Variants in GPR149 observed in about 807,000 individuals in gnomAD.
GPR149 encodes G protein-coupled receptor 149.
Under a neutral mutation model 50.2 loss-of-function variants are expected in GPR149, and 50 were observed. The ratio of observed to expected loss-of-function variants is 1.00; its 90% confidence interval spans 0.79 to 1.26. GPR149 has a LOEUF of 1.26. Among genes scored for constraint, GPR149 ranks in the 50% most tolerant of loss-of-function variants. GPR149 has a pLI of 0.00. For missense variants in GPR149, 983 were observed against 895.4 expected (o/e 1.10, Z -1.25); for synonymous variants, 405 against 358.2 (o/e 1.13, Z -1.48).
intron 3 of GPR149, among the ~76,000 whole-genome samples, chr3:154,367,858 A>G (rs138611177): frequency 4.4e-4 from 67 of 152,318 alleles, no homozygotes; most frequent in African/African-American, 1.5e-3. Flanking sequence ...TCACATGGTG[A>G]GTACGATTAG....
In GPR149 at chr3:154,335,326, A is replaced by G. The variant is rs1291820166; in HGVS notation, c.*2373T>C. The G allele has an allele frequency of 1.3e-5, 2 of 152,184 alleles. No homozygotes were observed. Among genetic ancestry groups the G allele is most frequent in the African/African-American group, 2.4e-5 (1 of 41,456 alleles). 9.4% of individuals were successfully genotyped at this position (152,184 alleles called of 1,614,324 possible). On this transcript the variant is annotated 3_prime_UTR_variant, in exon 4 of 4. Coordinates refer to ENST00000389740, the MANE Select transcript of GPR149 (RefSeq NM_001038705.3). ...ACTTTTATAATCAATCACTCTAAAG[A>G]GTAAGCAGACTTAAGTAAACTTATG...
intron 3 of GPR149, among the ~76,000 whole-genome samples, chr3:154,349,366 A>G (rs549286143): frequency 1.3e-5 from 2 of 152,314 alleles, no homozygotes; most frequent in East Asian, 3.9e-4. Flanking sequence ...AGCAGCAGTG[A>G]CAAAGAGAAG....
chr3:154,394,224 C>G (rs1276179324), intron 3 of GPR149, among the ~76,000 whole-genome samples: 1 of 151,920 alleles, frequency 6.6e-6, no homozygotes, highest in Non-Finnish European at 1.5e-5. Flanking sequence ...GACATATGGA[C>G]AAATGGAACA....
Position 154,337,791 on chromosome 3 carries a change from T to A in GPR149, c.2104A>T (p.Arg702Trp), listed in dbSNP as rs1713688897. 6.2e-7 allele frequency: 1 copy of A among 1,613,958 alleles called. No homozygotes were observed. The change falls in exon 4 of 4, where the codon AGG becomes TGG. Residue 702 changes from arginine to tryptophan, a missense_variant. By Grantham distance (101) the Arg-to-Trp change is moderately radical. Transcript: ENST00000389740. The part of the protein sequence containing the change: ...TVEAHRQNSK[R>W]QHQERDGYQE... ...TAGCCATCCCTCTCTTGATGCTGCCTTTTACTGTTCTGCCTGTGTGCTTCT... is the reference window on the plus strand; with the variant it reads ...TAGCCATCCCTCTCTTGATGCTGCCATTTACTGTTCTGCCTGTGTGCTTCT...
intron 3 of GPR149, among the ~76,000 whole-genome samples, chr3:154,379,613 G>T (rs926094637): frequency 3.3e-5 from 5 of 151,960 alleles, no homozygotes; most frequent in African/African-American, 9.7e-5. Context: ...TAATTTTTGT[G>T]TATAGTATGA....
At chr3:154,424,084 T>A (rs1360922135) in intron 2 of GPR149, among the ~76,000 whole-genome samples, 1 of 151,876 alleles carries the variant, frequency 6.6e-6, no homozygotes, top group Admixed American at 6.6e-5. Flanking sequence ...GTGTTGTCAA[T>A]AATTCTAATT....
At chr3:154,427,914 A>G (rs1712353586) in intron 1 of GPR149, among the ~76,000 whole-genome samples, 1 of 152,052 alleles carries the variant, frequency 6.6e-6, no homozygotes, top group Non-Finnish European at 1.5e-5. Flanking sequence ...GAGGGGTTTC[A>G]GCTTTTGAGT....
chr3:154,385,281 T>A (rs552479522), intron 3 of GPR149, among the ~76,000 whole-genome samples: 1 of 152,306 alleles, frequency 6.6e-6, no homozygotes, highest in South Asian at 2.1e-4. Context: ...CCCTGCGAAT[T>A]CTTTGGAGAT....
At chr3:154,341,430 A>G (rs898064077) in intron 3 of GPR149, among the ~76,000 whole-genome samples, 2 of 149,208 alleles carry the variant, frequency 1.3e-5, no homozygotes, top group Non-Finnish European at 3.0e-5. Flanking sequence ...AAAAAATTAG[A>G]GAGTTTAGTA....
chr3:154,364,332 C>T (rs1288674502), intron 3 of GPR149, among the ~76,000 whole-genome samples: 1 of 152,168 alleles, frequency 6.6e-6, no homozygotes, highest in East Asian at 1.9e-4. Context: ...CTCTTGGATC[C>T]TCAAAATTCA....
chr3:154,381,730 G>A (rs1321298167), intron 3 of GPR149, among the ~76,000 whole-genome samples: 1 of 152,132 alleles, frequency 6.6e-6, no homozygotes, highest in African/African-American at 2.4e-5. Flanking sequence ...AGGTCTATTT[G>A]AAGAAATAAA....
chr3:154,429,244 A>G lies in GPR149; in HGVS notation c.372T>C (p.Thr124=). The change falls in exon 1 of 4, where the codon ACT becomes ACC. Residue 124 remains threonine, a synonymous_variant. Coordinates refer to ENST00000389740, the MANE Select transcript of GPR149 (RefSeq NM_001038705.3). ...TATAAAAGTTGTAAGAGACTAGGAG[A>G]GTCGCCTTCAAGTTGCTAGAGAGGC... is the stretch of plus-strand genomic sequence containing the variant. The part of the protein sequence containing the change: ...CQGLSSNLKA[T]LLVSYNFYTM... 6.2e-7 allele frequency: 1 copy of G among 1,614,164 alleles called. No homozygotes were observed. Among genetic ancestry groups the G allele is most frequent in the South Asian group, 1.1e-5 (1 of 91,082 alleles).
At chr3:154,419,107 G>A (rs1712068305) in intron 3 of GPR149, among the ~76,000 whole-genome samples, 1 of 151,802 alleles carries the variant, frequency 6.6e-6, no homozygotes, top group South Asian at 2.1e-4. Context: ...TTTTCATAGC[G>A]ACCATTTCAG....
rs1712373119 is a variant in GPR149 at position 154,428,567 on chromosome 3, C to T, written c.981+68G>A. 4.0e-6 allele frequency: 6 copies of T among 1,513,182 alleles called. No individual in the cohort carries two copies. The South Asian group carries it at 7.9e-5, about 20-fold the overall frequency. 93.7% of individuals were successfully genotyped at this position (1,513,182 alleles called of 1,614,324 possible). ...TTGGTGACTCCCCAAACCGGCGACG[C>T]CGGTCCCAACACTCATTTACACTGT... On this transcript the variant is annotated intron_variant, in intron 1 of 3. Coordinates refer to ENST00000389740, the MANE Select transcript of GPR149 (RefSeq NM_001038705.3).
intron 2 of GPR149, among the ~76,000 whole-genome samples, chr3:154,426,998 C>T (rs960590267): frequency 2.6e-5 from 4 of 151,796 alleles, no homozygotes; most frequent in African/African-American, 9.7e-5. Flanking sequence ...CTTTCCAAAA[C>T]CCTGGAAGAA....
intron 3 of GPR149, among the ~76,000 whole-genome samples, chr3:154,351,697 T>G (rs914712605): frequency 1.3e-5 from 2 of 152,274 alleles, no homozygotes; most frequent in African/African-American, 4.8e-5. Context: ...GACAATCTGT[T>G]TGGCTCCTTA....
chr3:154,378,303 A>T (rs1190477841), intron 3 of GPR149, among the ~76,000 whole-genome samples: 1 of 152,122 alleles, frequency 6.6e-6, no homozygotes, highest in African/African-American at 2.4e-5. Context: ...CATGTTGGCC[A>T]GGCTGGTTTT....
rs182031740 is a variant in GPR149, at chr3:154,425,355, A to C, written c.1174+2161T>G. Among the ~76,000 whole-genome samples, 646 of 152,148 alleles carry C rather than the reference A, an allele frequency of 4.2e-3. 3 individuals carry two copies. Among genetic ancestry groups the C allele is most frequent in the African/African-American group, 0.015 (625 of 41,494 alleles). ...GAATCTTAGTTTGTTATGGACAAAA[A>C]GTTTAAACATAAAACTCGAACCATC... On this transcript the variant is annotated intron_variant, in intron 2 of 3. Coordinates refer to ENST00000389740, the MANE Select transcript of GPR149 (RefSeq NM_001038705.3).
intron 3 of GPR149, among the ~76,000 whole-genome samples, chr3:154,373,685 T>C (rs992289186): frequency 2.6e-5 from 4 of 152,186 alleles, no homozygotes; most frequent in African/African-American, 9.7e-5. Flanking sequence ...TACCTTCTTG[T>C]ACTTAAATGA....
Sources: gnomAD v4.1 joint callset for allele counts (sites outside exome capture counted in the v4.1 genomes callset) on GRCh38, gnomAD v4.1.1 for gene constraint, MANE v1.5 for transcripts, NCBI Gene and HGNC (gene_info 2026-07-23, HGNC 2026-07-21) for gene names.